SFMBT1: variants seen among roughly 807,000 people sequenced by gnomAD.
SFMBT1 encodes the protein Scm like with four mbt domains 1.
A neutral mutation model predicts 108.7 loss-of-function variants in SFMBT1; 32 were observed. That is an observed-to-expected ratio of 0.29 (90% CI 0.22 to 0.40). SFMBT1 has a LOEUF of 0.40. Ranked by LOEUF, SFMBT1 falls within the 10% of genes least tolerant of loss-of-function variation. The pLI is 1.00. For synonymous variants in SFMBT1, 348 were observed against 369.5 expected, an observed-to-expected ratio of 0.94 and a Z score of 0.67; for missense variants, 816 against 1,059.6, an observed-to-expected ratio of 0.77 and a Z score of 3.19.
intron 2 of SFMBT1, among the ~76,000 whole-genome samples, chr3:52,956,945 A>G (rs1166220355): frequency 2.0e-5 from 3 of 152,116 alleles, no homozygotes; most frequent in African/African-American, 7.2e-5. Flanking sequence ...CACCACTCCT[A>G]TTAAACATAG....
chr3:52,924,210 G>T (rs959084093), intron 10 of SFMBT1, among the ~76,000 whole-genome samples: 1 of 152,148 alleles, frequency 6.6e-6, no homozygotes, highest in Non-Finnish European at 1.5e-5. Context: ...GGAAGGTACT[G>T]AGAGATGGGG....
intron 1 of SFMBT1, among the ~76,000 whole-genome samples, chr3:52,986,809 G>A (rs980705558): frequency 3.4e-5 from 5 of 148,142 alleles, no homozygotes; most frequent in Non-Finnish European, 7.5e-5. Context: ...GTGTGGTGGC[G>A]AGTGCCTGTA....
At chr3:53,020,317 G>A (rs1319418132) in intron 1 of SFMBT1, among the ~76,000 whole-genome samples, 1 of 152,072 alleles carries the variant, frequency 6.6e-6, no homozygotes, top group Non-Finnish European at 1.5e-5. Context: ...TTGAACCTGG[G>A]AGGCGGAGGT....
intron 1 of SFMBT1, among the ~76,000 whole-genome samples, chr3:52,984,077 A>G (rs915157569): frequency 6.6e-5 from 10 of 152,198 alleles, no homozygotes; most frequent in African/African-American, 2.4e-4. Flanking sequence ...TATGAGAGAA[A>G]GAGCAGTATC....
intron 20 of SFMBT1, among the ~76,000 whole-genome samples, chr3:52,905,877 G>A (rs1022782587): frequency 6.6e-6 from 1 of 152,054 alleles, no homozygotes; most frequent in Admixed American, 6.6e-5. Context: ...TGATATTGGA[G>A]GGATGGAATC....
At chr3:53,016,129 T>C (rs915472707) in intron 1 of SFMBT1, among the ~76,000 whole-genome samples, 24 of 150,146 alleles carry the variant, frequency 1.6e-4, no homozygotes, top group African/African-American at 5.9e-4. Context: ...ATTTAGAAAA[T>C]AATCATTAAT....
At chr3:53,009,546 A>G (rs954869139) in intron 1 of SFMBT1, among the ~76,000 whole-genome samples, 3 of 152,204 alleles carry the variant, frequency 2.0e-5, no homozygotes, top group African/African-American at 7.2e-5. Flanking sequence ...AGATAATACA[A>G]TCCTTCACTC....
At chr3:53,041,486 T>C (rs1383793645) in intron 1 of SFMBT1, among the ~76,000 whole-genome samples, 1 of 152,012 alleles carries the variant, frequency 6.6e-6, no homozygotes, top group Non-Finnish European at 1.5e-5. Context: ...TCACCTGAGA[T>C]CAGGAGTTCA....
chr3:52,932,368 GC>G (rs1702885372), intron 5 of SFMBT1, 60 bp from the exon 6 acceptor site: 1 of 1,532,194 alleles, frequency 6.5e-7, no homozygotes. Flanking sequence ...TTTTTGAAAA[GC>G]CAACTTATAA....
chr3:52,998,564 C>A (rs1217941887), intron 1 of SFMBT1, among the ~76,000 whole-genome samples: 1 of 150,126 alleles, frequency 6.7e-6, no homozygotes, highest in African/African-American at 2.4e-5. Context: ...CTCGCAGGGT[C>A]CCTCCAGGGT....
chr3:52,971,685 T>A (rs1249333978), intron 1 of SFMBT1, among the ~76,000 whole-genome samples: 3 of 151,986 alleles, frequency 2.0e-5, no homozygotes, highest in African/African-American at 7.3e-5. Flanking sequence ...AATAAAAAAA[T>A]TATTTAAATT....
intron 2 of SFMBT1, among the ~76,000 whole-genome samples, chr3:52,961,359 A>G (rs1175381012): frequency 1.3e-5 from 2 of 152,202 alleles, no homozygotes; most frequent in African/African-American, 4.8e-5. Flanking sequence ...GATGGCAGTG[A>G]TTACTGCCCA....
chr3:53,028,234 A>G (rs535324774), intron 1 of SFMBT1, among the ~76,000 whole-genome samples: 145 of 152,250 alleles, frequency 9.5e-4, no homozygotes, highest in South Asian at 4.6e-3. Flanking sequence ...GGTGCACACC[A>G]CCACACTCAA....
At chr3:52,987,288 T>C (rs1704958398) in intron 1 of SFMBT1, among the ~76,000 whole-genome samples, 1 of 152,202 alleles carries the variant, frequency 6.6e-6, no homozygotes, top group East Asian at 1.9e-4. Context: ...CACAGTTATA[T>C]ATTATGATCA....
intron 12 of SFMBT1, among the ~76,000 whole-genome samples, chr3:52,918,780 G>A (rs1028866401): frequency 3.3e-5 from 5 of 151,958 alleles, no homozygotes; most frequent in Non-Finnish European, 4.4e-5. Context: ...ATATTTTCAA[G>A]GCTCCCTGGG....
At chr3:52,922,121 C>T (rs963739080) in intron 10 of SFMBT1, among the ~76,000 whole-genome samples, 1 of 152,166 alleles carries the variant, frequency 6.6e-6, no homozygotes, top group African/African-American at 2.4e-5. Context: ...CTTCACCTGT[C>T]AGATGAGGTT....
intron 1 of SFMBT1, among the ~76,000 whole-genome samples, chr3:53,030,706 A>T (rs1699656455): frequency 6.7e-6 from 1 of 148,838 alleles, no homozygotes; most frequent in South Asian, 2.1e-4. Context: ...AAAAAAAAAA[A>T]TCTACTTGCT....
At chr3:53,040,906 G>A (rs1276998166) in intron 1 of SFMBT1, among the ~76,000 whole-genome samples, 2 of 146,274 alleles carry the variant, frequency 1.4e-5, no homozygotes, top group African/African-American at 5.0e-5. Context: ...CCTGGCTCAA[G>A]AGATATACCT....
At chr3:53,021,783 G>A (rs1699314068) in intron 1 of SFMBT1, among the ~76,000 whole-genome samples, 1 of 152,052 alleles carries the variant, frequency 6.6e-6, no homozygotes, top group Non-Finnish European at 1.5e-5. Flanking sequence ...AGCAACCGCA[G>A]GGAGAAATAA....
Sources: allele counts gnomAD v4.1 joint callset (sites outside exome capture counted in the v4.1 genomes callset), GRCh38; gene constraint gnomAD v4.1.1; transcripts MANE v1.5; gene names NCBI Gene and HGNC (gene_info 2026-07-23, HGNC 2026-07-21).